Variants in RGL1 observed in about 807,000 individuals in gnomAD.
RGL1 encodes ral guanine nucleotide dissociation stimulator-like 1.
RGL1 carries 24 observed loss-of-function variants against 95.2 expected under a neutral mutation model. The observed-to-expected ratio is 0.25, with a 90% confidence interval of 0.18 to 0.35. The LOEUF (loss-of-function observed/expected upper bound fraction) is 0.35. Ranked by LOEUF, RGL1 falls within the 10% of genes least tolerant of loss-of-function variation. The pLI, the probability that RGL1 is intolerant of heterozygous loss-of-function variation, is 1.00. For synonymous variants in RGL1, 329 were observed against 344.9 expected (o/e 0.95, Z 0.51); for missense variants, 715 against 936.3 (o/e 0.76, Z 3.08).
chr1:183,855,392 C>T (rs773302212), intron 3 of RGL1, among the ~76,000 whole-genome samples: 16 of 151,848 alleles, frequency 1.1e-4, no homozygotes, highest in South Asian at 2.1e-4. Flanking sequence ...TTTTGAGATG[C>T]GTACAATATG....
chr1:183,913,182 C>CTTTTCTTTTTTT (rs1668749436), intron 15 of RGL1, among the ~76,000 whole-genome samples: 1 of 68,246 alleles, frequency 1.5e-5, no homozygotes, highest in African/African-American at 6.3e-5. Context: ...GACCAGTCTT[C>CTTTTCTTTTTTT]TTTTTTTTTT....
At chr1:183,880,900 G>A in intron 5 of RGL1, 100 bp downstream of exon 5, 2 of 1,097,328 alleles carry the variant, frequency 1.8e-6, no homozygotes, top group Non-Finnish European at 2.6e-6. Context: ...GGAAACCTTG[G>A]TACCCTCAAA....
At chr1:183,917,232 C>T (rs576164341) in intron 16 of RGL1, among the ~76,000 whole-genome samples, 3 of 152,292 alleles carry the variant, frequency 2.0e-5, no homozygotes, top group Admixed American at 6.5e-5. Flanking sequence ...TAATGAGGAA[C>T]GATGCCTATA....
In RGL1 at chr1:183,811,966, AAT is replaced by A. The variant is rs1250396113; in HGVS notation, c.138+5483_138+5484del. Among the ~76,000 whole-genome samples the A allele has an allele frequency of 3.3e-5, 5 of 152,200 alleles. No individual in the cohort carries two copies. In the East Asian group the frequency reaches 9.6e-4, roughly 29 times the overall value. ...TTACTCTTAGAAAGAAAATGAGAGA[AAT>A]AAGGTAAATACTGTGCCTTTCCACT... is the stretch of plus-strand genomic sequence containing the variant. On this transcript the variant is annotated intron_variant, in intron 2 of 17. Transcript: ENST00000360851.
intron 1 of RGL1, among the ~76,000 whole-genome samples, chr1:183,644,827 T>C (rs1447409319): frequency 1.3e-5 from 2 of 152,224 alleles, no homozygotes; most frequent in Non-Finnish European, 2.9e-5. Context: ...GATTAGATTA[T>C]AGCTTGATGA....
Position 183,717,000 on chromosome 1 carries a change from A to G in RGL1, c.-32-25126A>G, listed in dbSNP as rs187351828. On this transcript the variant is annotated intron_variant, in intron 1 of 18. Transcript: ENST00000304685. Reference sequence around the variant, plus strand: ...CTGGATAAATTATTATTCACTGGGCATAGTAAGCATTGATTCATGGGTGGC... The same window carrying G: ...CTGGATAAATTATTATTCACTGGGCGTAGTAAGCATTGATTCATGGGTGGC... Among the ~76,000 whole-genome samples, 17 of 152,336 alleles carry G rather than the reference A, an allele frequency of 1.1e-4. No individual in the cohort carries two copies. In the South Asian group the frequency reaches 3.5e-3, roughly 32 times the overall value.
At position 183,896,919 on chromosome 1, in the gene RGL1, G is replaced by T. The variant is rs145859111; in HGVS notation, c.1141-889G>T. On this transcript the variant is annotated intron_variant, in intron 9 of 17. Transcript: ENST00000360851. ...TTAGAAGAACTGACTGGGGGCTGGG[G>T]ATGTGTGAAAGTTCGACTTTTATGG... Among the ~76,000 whole-genome samples, 273 of 152,328 alleles carry T rather than the reference G, an allele frequency of 1.8e-3. 4 individuals are homozygous for T. The highest frequency in any genetic ancestry group is 6.3e-3 in the African/African-American group (263 of 41,576).
In RGL1 at chr1:183,667,160, G is replaced by A. The variant is rs146900378; in HGVS notation, c.-33+30659G>A. The stretch of plus-strand genomic sequence containing the variant: ...TAATGTAGCTACTCTTCTTTCTTTC[G>A]ATTATTATTAGCATGGTATATCTTT... On this transcript the variant is annotated intron_variant, in intron 1 of 18. Transcript: ENST00000304685. Among the ~76,000 whole-genome samples, 38 of 151,996 alleles carry A rather than the reference G, an allele frequency of 2.5e-4. No individual in the cohort carries two copies. In the East Asian group the frequency reaches 6.0e-3, roughly 24 times the overall value.
At chr1:183,841,492 C>T (rs1246571683) in intron 2 of RGL1, among the ~76,000 whole-genome samples, 1 of 152,104 alleles carries the variant, frequency 6.6e-6, no homozygotes, top group African/African-American at 2.4e-5. Flanking sequence ...TTAAGTTTGC[C>T]ACTATTTTTA....
intron 4 of RGL1, among the ~76,000 whole-genome samples, chr1:183,872,100 C>A (rs138387080): frequency 6.6e-6 from 1 of 152,174 alleles, no homozygotes; most frequent in Non-Finnish European, 1.5e-5. Flanking sequence ...TCTACCCGTG[C>A]CCTTTTCCTG....
At chr1:183,698,773 T>C (rs10494565) in intron 1 of RGL1, among the ~76,000 whole-genome samples, 27,325 of 152,186 alleles carry the variant, frequency 0.18, 3,383 homozygotes, top group African/African-American at 0.35. Flanking sequence ...CTTGAATACT[T>C]TTTTTCAATT....
chr1:183,712,291 G>A (rs531807195), intron 1 of RGL1, among the ~76,000 whole-genome samples: 19 of 152,334 alleles, frequency 1.2e-4, no homozygotes, highest in Admixed American at 6.5e-4. Flanking sequence ...GGAGGAGGCC[G>A]TGAGGTATTC....
chr1:183,913,979 C>T (rs1252077685), intron 15 of RGL1, among the ~76,000 whole-genome samples: 1 of 152,190 alleles, frequency 6.6e-6, no homozygotes, highest in East Asian at 1.9e-4. Flanking sequence ...CATTTTTCCT[C>T]AACCCGGGAT....
intron 1 of RGL1, chr1:183,709,908 T>C (rs571838700): frequency 6.5e-6 from 1 of 153,638 alleles, no homozygotes; most frequent in Non-Finnish European, 1.4e-5. Context: ...CTGGCACCCA[T>C]TCCTGGTTCC....
At chr1:183,736,017 A>G (rs1434148295) in intron 1 of RGL1, among the ~76,000 whole-genome samples, 14 of 152,198 alleles carry the variant, frequency 9.2e-5, no homozygotes. Flanking sequence ...GATGCTAAGG[A>G]TGGGTGAGCA....
intron 2 of RGL1, among the ~76,000 whole-genome samples, chr1:183,838,693 C>T (rs745537413): frequency 1.6e-4 from 24 of 152,180 alleles, no homozygotes; most frequent in Admixed American, 3.9e-4. Flanking sequence ...TTAACTGGAA[C>T]GTACACAGAA....
At chr1:183,685,822 A>T (rs983482456) in intron 1 of RGL1, among the ~76,000 whole-genome samples, 4 of 152,196 alleles carry the variant, frequency 2.6e-5, no homozygotes, top group South Asian at 2.1e-4. Flanking sequence ...TCAACAGTTA[A>T]CAAATATTGA....
intron 1 of RGL1, among the ~76,000 whole-genome samples, chr1:183,677,148 G>A (rs114776571): frequency 0.01 from 1,563 of 151,310 alleles, 32 homozygotes; most frequent in African/African-American, 0.036. Context: ...CATTCTCAAA[G>A]GCTCCAACAG....
chr1:183,924,798 A>C (rs1481635712), intron 17 of RGL1, among the ~76,000 whole-genome samples: 1 of 120,020 alleles, frequency 8.3e-6, no homozygotes, highest in African/African-American at 3.8e-5. Flanking sequence ...ACAAAAAAAT[A>C]CAAAAAAAAA....
Sources: gnomAD v4.1 joint callset for allele counts (sites outside exome capture counted in the v4.1 genomes callset) on GRCh38, gnomAD v4.1.1 for gene constraint, MANE v1.5 for transcripts, NCBI Gene and HGNC (gene_info 2026-07-23, HGNC 2026-07-21) for gene names.